SLC7A14: variants seen among roughly 807,000 people sequenced by gnomAD.
The protein encoded by SLC7A14 is gamma-aminobutyric acid transporter SLC7A14.
In SLC7A14, 37 loss-of-function variants were observed where a neutral mutation model predicts 60.2. That is an observed-to-expected ratio of 0.61 (90% CI 0.47 to 0.81). The LOEUF (loss-of-function observed/expected upper bound fraction) is 0.81. Among genes scored for constraint, SLC7A14 ranks in the 30% least tolerant of loss-of-function variants. SLC7A14 has a pLI of 0.00. For synonymous variants in SLC7A14, 399 were observed against 395.8 expected (o/e 1.01, Z -0.10); for missense variants, 886 against 982.7 (o/e 0.90, Z 1.32).
chr3:170,535,768 A>C lies in SLC7A14; in HGVS notation c.-152-8680T>G, dbSNP rs1375991580. Among the ~76,000 whole-genome samples the C allele has an allele frequency of 6.6e-6, 1 of 152,114 alleles. No homozygotes were observed. Among genetic ancestry groups the C allele is most frequent in the East Asian group, 1.9e-4 (1 of 5,196 alleles). On this transcript the variant is annotated intron_variant, in intron 1 of 7. Transcript: ENST00000231706. The surrounding 1 kb of genome is among the most constrained non-coding windows in gnomAD (Gnocchi z 4.3). Reference sequence around the variant, plus strand: ...AGCCCTAACTCTCTCTGGTTCTGATAATTCTTTCTTTATCCCCCCTGTCAT... The same window carrying C: ...AGCCCTAACTCTCTCTGGTTCTGATCATTCTTTCTTTATCCCCCCTGTCAT...
At chr3:170,522,171 A>G (rs1713359177) in intron 2 of SLC7A14, among the ~76,000 whole-genome samples, 1 of 152,240 alleles carries the variant, frequency 6.6e-6, no homozygotes, top group Non-Finnish European at 1.5e-5. Flanking sequence ...AAGAACTGGA[A>G]CTTTCACATA....
chr3:170,480,979 T>G lies in SLC7A14; in HGVS notation c.1303A>C (p.Ser435Arg). ...CVLLLRYQPESDIDGFVKFLS... is the reference protein window; with the variant it reads ...CVLLLRYQPERDIDGFVKFLS... ...AACTTGACAAAACCATCAATGTCAC[T>G]CTCAGGTTGGTATCGAAGGAGCAAG... The change falls in exon 7 of 8, where the codon AGT becomes CGT. Residue 435 changes from serine to arginine, a missense_variant. Ser to Arg is a moderately radical substitution (Grantham distance 110). Coordinates refer to ENST00000231706, the MANE Select transcript of SLC7A14 (RefSeq NM_020949.3). The G allele has an allele frequency of 6.2e-7, 1 of 1,613,930 alleles. No homozygotes were observed. The highest frequency in any genetic ancestry group is 8.5e-7 in the Non-Finnish European group (1 of 1,179,984).
At chr3:170,563,776 T>C (rs546937419) in intron 1 of SLC7A14, among the ~76,000 whole-genome samples, 71 of 152,284 alleles carry the variant, frequency 4.7e-4, no homozygotes, top group African/African-American at 1.6e-3. Flanking sequence ...AAACAGAGTA[T>C]CCCATTTTCA....
chr3:170,480,365 G>A lies in SLC7A14; in HGVS notation c.1917C>T (p.Ala639=). 1.2e-6 allele frequency: 2 copies of A among 1,605,178 alleles called. No homozygotes were observed. Among genetic ancestry groups the A allele is most frequent in the Middle Eastern group, 1.7e-4 (1 of 6,010 alleles). Reference sequence around the variant, plus strand: ...GCATGAGATAGATGTTCACCAGCATGGCAAAGGCAGGCACAAAGGGGAGGC... The same window carrying A: ...GCATGAGATAGATGTTCACCAGCATAGCAAAGGCAGGCACAAAGGGGAGGC... ...APCLPFVPAF[A]MLVNIYLMLK... The change falls in exon 7 of 8, where the codon GCC becomes GCT. Residue 639 remains alanine, a synonymous_variant. Transcript: ENST00000231706.
At chr3:170,476,820 A>G (rs1337197403) in intron 7 of SLC7A14, 1 of 152,244 alleles carries the variant, frequency 6.6e-6, no homozygotes, top group Non-Finnish European at 1.5e-5. Flanking sequence ...CAAAGTCACA[A>G]GACAAAGGAG....
intron 1 of SLC7A14, among the ~76,000 whole-genome samples, chr3:170,579,134 A>G (rs1715172787): frequency 6.6e-6 from 1 of 152,234 alleles, no homozygotes; most frequent in East Asian, 1.9e-4. Flanking sequence ...TTCATGACTA[A>G]TGAAATGATG....
intron 7 of SLC7A14, among the ~76,000 whole-genome samples, chr3:170,475,002 C>G (rs966670183): frequency 3.0e-4 from 46 of 152,230 alleles, no homozygotes; most frequent in African/African-American, 1.0e-3. Flanking sequence ...CCTGCTAGTT[C>G]CATGTTCCCT....
At chr3:170,478,218 C>G (rs1307643069) in intron 7 of SLC7A14, among the ~76,000 whole-genome samples, 3 of 152,084 alleles carry the variant, frequency 2.0e-5, no homozygotes, top group African/African-American at 7.2e-5. Flanking sequence ...GCTGGGATTA[C>G]AGGCACTTGC....
intron 4 of SLC7A14, among the ~76,000 whole-genome samples, chr3:170,492,237 G>A (rs1712242569): frequency 6.6e-6 from 1 of 152,170 alleles, no homozygotes; most frequent in South Asian, 2.1e-4. Context: ...AAATTGGTGG[G>A]TGAAATATGT....
intron 7 of SLC7A14, among the ~76,000 whole-genome samples, chr3:170,471,823 T>G (rs1415058823): frequency 6.6e-6 from 1 of 152,218 alleles, no homozygotes; most frequent in East Asian, 1.9e-4. Flanking sequence ...TTATTCTATT[T>G]GGATATTTAA....
chr3:170,574,609 C>A (rs1715038536), intron 1 of SLC7A14, among the ~76,000 whole-genome samples: 1 of 152,134 alleles, frequency 6.6e-6, no homozygotes, highest in Non-Finnish European at 1.5e-5. Context: ...GAAAGTATGT[C>A]AAACTCTTCC....
chr3:170,487,228 T>C (rs540795465), intron 4 of SLC7A14, among the ~76,000 whole-genome samples: 9 of 147,264 alleles, frequency 6.1e-5, no homozygotes, highest in Admixed American at 4.9e-4. Flanking sequence ...ATGTATTATA[T>C]ATGTCAAAAT....
intron 7 of SLC7A14, among the ~76,000 whole-genome samples, chr3:170,478,829 AAG>A (rs536657862): frequency 9.9e-5 from 15 of 152,234 alleles, no homozygotes; most frequent in African/African-American, 3.6e-4. Flanking sequence ...ACTCATCACT[AAG>A]AGTCTCTGTG....
In SLC7A14 at chr3:170,483,441, C is replaced by T. The variant is rs2276717; in HGVS notation, c.988G>A (p.Gly330Arg). The T allele has an allele frequency of 6.3e-4, 1,019 of 1,614,218 alleles. 11 individuals are homozygous for T. The East Asian group carries it at 0.021, about 33-fold the overall frequency. ...ACTACGAATTTGGCAGCATAGAACC[C>T]ATGAGCCACAAACATCTCCATGAGT... ...SPLMEMFVAH[G>R]FYAAKFVVAI... is the part of the protein sequence containing the mutation. Residue 330 changes from glycine (G) to arginine (R), a missense_variant, in exon 6 of 8, where the codon GGG becomes AGG. By Grantham distance (125) the Gly-to-Arg change is moderately radical (BLOSUM62 -2). Transcript: ENST00000231706.
chr3:170,563,113 C>T (rs1032008491), intron 1 of SLC7A14, among the ~76,000 whole-genome samples: 24 of 152,190 alleles, frequency 1.6e-4, no homozygotes, highest in African/African-American at 5.5e-4. Flanking sequence ...AATGTGCTGA[C>T]CAAAGGAACC....
Position 170,480,881 on chromosome 3 carries a change from C to G in SLC7A14, c.1401G>C (p.Val467=), listed in dbSNP as rs1711789878. The G allele has an allele frequency of 6.2e-7, 1 of 1,613,950 alleles. No individual in the cohort carries two copies. Among genetic ancestry groups the G allele is most frequent in the South Asian group, 1.1e-5 (1 of 91,072 alleles). Residue 467 remains valine (V), a synonymous_variant, in exon 7 of 8, where the codon GTG becomes GTC. Transcript: ENST00000231706. ...ADCEKEACSP[V]SEGDEFSGPA... is the part of the protein sequence containing the mutation. The stretch of plus-strand genomic sequence containing the variant: ...GGCCAGAAAACTCATCCCCCTCACT[C>G]ACAGGAGAACAAGCTTCCTTCTCAC...
intron 4 of SLC7A14, among the ~76,000 whole-genome samples, chr3:170,494,917 CT>C (rs917030945): frequency 1.3e-5 from 2 of 152,168 alleles, no homozygotes; most frequent in African/African-American, 4.8e-5. Context: ...GTAGAAAGGG[CT>C]TTGGAGTCAC....
intron 4 of SLC7A14, chr3:170,496,658 C>G (rs1712406799): frequency 7.7e-7 from 1 of 1,290,442 alleles, no homozygotes; most frequent in South Asian, 1.2e-5. Flanking sequence ...ATGCAGAACA[C>G]GAGTATCCAT....
chr3:170,543,374 G>C (rs1714079111), intron 1 of SLC7A14, among the ~76,000 whole-genome samples: 1 of 152,132 alleles, frequency 6.6e-6, no homozygotes, highest in South Asian at 2.1e-4. Context: ...TCTCCACCGG[G>C]TGCAGTGGCT....
Sources: allele counts gnomAD v4.1 joint callset (sites outside exome capture counted in the v4.1 genomes callset), GRCh38; gene constraint gnomAD v4.1.1; non-coding constraint Gnocchi (gnomAD v3.1); transcripts MANE v1.5; gene names NCBI Gene and HGNC (gene_info 2026-07-23, HGNC 2026-07-21).